Variants in MYOM2 observed in about 807,000 individuals in gnomAD.
The protein encoded by MYOM2 is myomesin-2.
MYOM2 carries 254 observed loss-of-function variants against 187.6 expected under a neutral mutation model. That is an observed-to-expected ratio of 1.35 (90% CI 1.22 to 1.50). The LOEUF is 1.50. MYOM2 is among the 40% of genes most tolerant of loss of function. MYOM2 has a pLI of 0.00. For missense variants in MYOM2, 2,796 were observed against 1,924.0 expected (o/e 1.45, Z -8.48); for synonymous variants, 981 against 753.8 (o/e 1.30, Z -4.94).
At chr8:2,076,493 T>G in intron 11 of MYOM2, 1 of 628,122 alleles carries the variant, frequency 1.6e-6, no homozygotes, top group Non-Finnish European at 2.6e-6. Flanking sequence ...ACTGGGTTTC[T>G]TTTTGTTGAA....
chr8:2,071,197 G>C (rs1235528418), intron 8 of MYOM2, among the ~76,000 whole-genome samples: 1 of 151,178 alleles, frequency 6.6e-6, no homozygotes, highest in African/African-American at 2.4e-5. Flanking sequence ...GTTTCACCAT[G>C]TTGCCCAGGT....
intron 6 of MYOM2, among the ~76,000 whole-genome samples, chr8:2,068,983 T>C (rs1238774116): frequency 6.6e-6 from 1 of 152,222 alleles, no homozygotes; most frequent in Non-Finnish European, 1.5e-5. Flanking sequence ...CAGAATGGAA[T>C]AGAGACTTCT....
At chr8:2,143,317 G>A in intron 35 of MYOM2, 84 bp from the exon 36 acceptor site, 1 of 1,465,288 alleles carries the variant, frequency 6.8e-7, no homozygotes, top group Non-Finnish European at 9.6e-7. Flanking sequence ...CATTCACCTT[G>A]GTACCCACTG....
chr8:2,059,557 C>T lies in MYOM2; in HGVS notation c.653+312C>T, dbSNP rs142230582. On this transcript the variant is annotated intron_variant, in intron 6 of 36. Transcript: ENST00000262113. ...TTTCATTGACACCTCCTGCCAGGTT[C>T]GAGAAACACACCCTAAGTTCAGACT... Among the ~76,000 whole-genome samples the T allele has an allele frequency of 3.9e-4, 60 of 152,142 alleles. No homozygotes were observed. In the East Asian group the frequency reaches 9.1e-3, roughly 23 times the overall value.
At chr8:2,056,953 G>T (rs1479376771) in intron 3 of MYOM2, among the ~76,000 whole-genome samples, 1 of 152,188 alleles carries the variant, frequency 6.6e-6, no homozygotes, top group African/African-American at 2.4e-5. Flanking sequence ...CTGTTTTTAA[G>T]AGCCTCAGAT....
chr8:2,076,316 G>T (rs769700104), intron 11 of MYOM2, 34 bp downstream of exon 11: 1 of 1,607,302 alleles, frequency 6.2e-7, no homozygotes, highest in African/African-American at 1.3e-5. Context: ...GGATGGGAAC[G>T]TTCCGCATGG....
At chr8:2,130,066 C>T (rs969555411) in intron 32 of MYOM2, among the ~76,000 whole-genome samples, 7 of 152,076 alleles carry the variant, frequency 4.6e-5, no homozygotes, top group South Asian at 2.1e-4. Context: ...TGTTAACGCC[C>T]GTCAGTACAC....
Position 2,144,903 on chromosome 8 carries a change from G to C in MYOM2, c.4320G>C (p.Glu1440Asp), listed in dbSNP as rs933438428. 1.2e-6 allele frequency: 2 copies of C among 1,614,052 alleles called. No homozygotes were observed. Among genetic ancestry groups the C allele is most frequent in the Non-Finnish European group, 1.7e-6 (2 of 1,180,044 alleles). Residue 1440 changes from glutamate to aspartate, a missense_variant, in exon 37 of 37, where the codon GAG (glutamate) becomes GAC (aspartate). By Grantham distance (45) the Glu-to-Asp change is conservative. Transcript: ENST00000262113. Reference protein sequence around the residue: ...DVTVSVYKHGEKIPDMAPPQQ... With the variant: ...DVTVSVYKHGDKIPDMAPPQQ... ...CAGTGAGCGTGTACAAACACGGGGA[G>C]AAGATCCCGGACATGGCCCCGCCCC...
chr8:2,069,202 A>T (rs1443808437), intron 6 of MYOM2, 76 bp from the exon 7 acceptor site: 3 of 1,400,812 alleles, frequency 2.1e-6, no homozygotes, highest in Non-Finnish European at 3.0e-6. Flanking sequence ...CTTTCGAGGA[A>T]TGCTTTTGTG....
chr8:2,050,662 G>C (rs371416392), intron 1 of MYOM2, 93 bp from the exon 2 acceptor site: 2 of 665,680 alleles, frequency 3.0e-6, no homozygotes, highest in Non-Finnish European at 5.2e-6. Context: ...TTATTAACTG[G>C]AGTTCATTTT....
At chr8:2,137,206 T>C (rs1298940789) in intron 32 of MYOM2, among the ~76,000 whole-genome samples, 1 of 151,722 alleles carries the variant, frequency 6.6e-6, no homozygotes, top group Admixed American at 6.6e-5. Context: ...AAGAAAACAT[T>C]GTCTTCTCCC....
intron 25 of MYOM2, 75 bp from the exon 26 acceptor site, chr8:2,115,885 A>G (rs1797223243): frequency 2.0e-6 from 3 of 1,495,362 alleles, no homozygotes; most frequent in Non-Finnish European, 1.8e-6. Flanking sequence ...GGCTGATGCA[A>G]TTGTTAAATG....
At position 2,078,932 on chromosome 8, in the gene MYOM2, A is replaced by G; in HGVS notation, c.1461A>G (p.Gln487=). The part of the protein sequence containing the change: ...ALDPLDLRRL[Q]AVHLEGEKEI... ...ACCCCTTGGACCTCAGAAGGTTACAAGGTAAGCTGCTCACGCCTAAGTATC... is the reference window on the plus strand; with the variant it reads ...ACCCCTTGGACCTCAGAAGGTTACAGGGTAAGCTGCTCACGCCTAAGTATC... The change falls in exon 12 of 37, where the codon CAA becomes CAG. Residue 487 remains glutamine (Q), a splice_region_variant and synonymous_variant. Coordinates refer to ENST00000262113, the MANE Select transcript of MYOM2 (RefSeq NM_003970.4). 1.9e-6 allele frequency: 3 copies of G among 1,613,610 alleles called. No individual in the cohort carries two copies. Among genetic ancestry groups the G allele is most frequent in the Non-Finnish European group, 2.5e-6 (3 of 1,179,726 alleles).
At chr8:2,090,767 G>C (rs1250700093) in intron 15 of MYOM2, among the ~76,000 whole-genome samples, 1 of 152,188 alleles carries the variant, frequency 6.6e-6, no homozygotes, top group Non-Finnish European at 1.5e-5. Context: ...ATGGCCTCCA[G>C]CTTCACTCAT....
intron 18 of MYOM2, chr8:2,097,993 T>G (rs1207350363): frequency 6.6e-6 from 1 of 152,146 alleles, no homozygotes; most frequent in Non-Finnish European, 1.5e-5. Flanking sequence ...CCTGTCTTTG[T>G]GAGTGCTACT....
rs1030345125 is a variant in MYOM2 at position 2,096,830 on chromosome 8, T to G, written c.2313+396T>G. Among the ~76,000 whole-genome samples, 3 of 152,318 alleles carry G rather than the reference T, an allele frequency of 2.0e-5. 1 individual carries two copies. In the South Asian group the frequency reaches 6.2e-4, roughly 32 times the overall value. On this transcript the variant is annotated intron_variant, in intron 18 of 36. Transcript: ENST00000262113. ...TTTAGGAAGAGAGTAATGTTGGCTC[T>G]CTGCTTGTCACCCACCATTTCCCTG... is the stretch of plus-strand genomic sequence containing the variant.
chr8:2,086,782 C>T (rs1487063403), intron 14 of MYOM2, among the ~76,000 whole-genome samples: 2 of 152,202 alleles, frequency 1.3e-5, no homozygotes, highest in African/African-American at 2.4e-5. Flanking sequence ...CGTCTCCTTC[C>T]TGCTGCAACA....
In MYOM2 at chr8:2,096,421, C is replaced by G. The variant is rs146291971; in HGVS notation, c.2300C>G (p.Pro767Arg). 6.2e-7 allele frequency: 1 copy of G among 1,614,030 alleles called. No individual in the cohort carries two copies. Among genetic ancestry groups the G allele is most frequent in the Non-Finnish European group, 8.5e-7 (1 of 1,180,026 alleles). The part of the protein sequence containing the change: ...WHEVNSSPSK[P>R]TILTVDGLTE... The stretch of plus-strand genomic sequence containing the variant: ...GAGGTCAATTCCTCACCCAGCAAAC[C>G]GACAATCCTAACGGTCAGTTGGTTT... Residue 767 changes from proline (P) to arginine (R), a missense_variant, in exon 18 of 37, where the codon CCG becomes CGG. Pro to Arg is a moderately radical substitution (Grantham distance 103). Transcript: ENST00000262113.
In MYOM2 at chr8:2,072,041, C is replaced by T. The variant is rs578245347; in HGVS notation, c.794-304C>T. On this transcript the variant is annotated intron_variant, in intron 8 of 36. Transcript: ENST00000262113. ...GGACACAGACATTCCGTGTGGAGCACGGACCTGGCTACGGGTGTTCCATGC... is the reference window on the plus strand; with the variant it reads ...GGACACAGACATTCCGTGTGGAGCATGGACCTGGCTACGGGTGTTCCATGC... 3.9e-5 allele frequency among the ~76,000 whole-genome samples: 6 copies of T among 152,336 alleles called. No homozygotes were observed. In the South Asian group the frequency reaches 8.3e-4, roughly 21 times the overall value.
Sources: allele counts gnomAD v4.1 joint callset (sites outside exome capture counted in the v4.1 genomes callset), GRCh38; gene constraint gnomAD v4.1.1; transcripts MANE v1.5; gene names NCBI Gene and HGNC (gene_info 2026-07-23, HGNC 2026-07-21).